CCDC7: variants seen among roughly 807,000 people sequenced by gnomAD.
CCDC7 encodes the protein coiled-coil domain-containing protein 7.
CCDC7 carries 183 observed loss-of-function variants against 196.9 expected under a neutral mutation model. That is an observed-to-expected ratio of 0.93 (90% CI 0.82 to 1.05). The LOEUF is 1.05. Ranked by LOEUF, CCDC7 falls within the 50% of genes least tolerant of loss-of-function variation. CCDC7 has a pLI of 0.00. For missense variants in CCDC7, 1,540 were observed against 1,482.2 expected (o/e 1.04, Z -0.64); for synonymous variants, 525 against 484.6 (o/e 1.08, Z -1.10).
chr10:32,673,132 C>T (rs1432693137), intron 21 of CCDC7, among the ~76,000 whole-genome samples: 3 of 152,020 alleles, frequency 2.0e-5, no homozygotes, highest in African/African-American at 7.2e-5. Context: ...TTCTGGACTC[C>T]CTGTTACATT....
At chr10:32,810,637 GAGTTTAAACA>G in intron 30 of CCDC7, among the ~76,000 whole-genome samples, 1 of 152,074 alleles carries the variant, frequency 6.6e-6, no homozygotes, top group South Asian at 2.1e-4. Context: ...AAGAAACATT[GAGTTTAAACA>G]TCAGTTTAAA....
At chr10:32,474,436 C>T (rs532570077) in intron 8 of CCDC7, among the ~76,000 whole-genome samples, 2 of 151,356 alleles carry the variant, frequency 1.3e-5, no homozygotes, top group East Asian at 3.9e-4. Flanking sequence ...AGAGTTTCAC[C>T]ATGTTGGCCA....
intron 18 of CCDC7, among the ~76,000 whole-genome samples, chr10:32,629,388 T>C (rs550931431): frequency 1.4e-4 from 22 of 152,208 alleles, no homozygotes; most frequent in African/African-American, 4.8e-4. Flanking sequence ...TTTTTGTTCT[T>C]GTGGTCTAGG....
chr10:32,823,999 A>G (rs1240238269), intron 31 of CCDC7, among the ~76,000 whole-genome samples: 1 of 152,180 alleles, frequency 6.6e-6, no homozygotes, highest in African/African-American at 2.4e-5. Flanking sequence ...ATAGACTATT[A>G]AAATATTTCT....
At chr10:32,708,086 A>G (rs57631864) in intron 24 of CCDC7, among the ~76,000 whole-genome samples, 13,545 of 152,238 alleles carry the variant, frequency 0.089, 863 homozygotes, top group East Asian at 0.33. Context: ...ACAAGGCTAC[A>G]GTAACCAAAA....
At chr10:32,607,041 G>C (rs1399876516) in intron 18 of CCDC7, among the ~76,000 whole-genome samples, 1 of 152,160 alleles carries the variant, frequency 6.6e-6, no homozygotes, top group Admixed American at 6.5e-5. Context: ...GGATTATGGG[G>C]GCAGATCCCC....
chr10:32,826,921 T>C (rs2091215485), intron 32 of CCDC7, among the ~76,000 whole-genome samples: 1 of 152,202 alleles, frequency 6.6e-6, no homozygotes, highest in Admixed American at 6.5e-5. Context: ...CAATAGTTTG[T>C]CTGGATGGTC....
At chr10:32,663,861 G>A (rs1248478464) in intron 20 of CCDC7, among the ~76,000 whole-genome samples, 193 bp from the exon 22 acceptor site, 1 of 151,868 alleles carries the variant, frequency 6.6e-6, no homozygotes, top group Non-Finnish European at 1.5e-5. Flanking sequence ...TCAAAATAAT[G>A]AGACTACTTC....
chr10:32,599,734 A>G (rs532656678), intron 18 of CCDC7, among the ~76,000 whole-genome samples: 1 of 152,252 alleles, frequency 6.6e-6, no homozygotes, highest in South Asian at 2.1e-4. Context: ...GTGAAGTGTG[A>G]GATTTTAGTG....
intron 18 of CCDC7, among the ~76,000 whole-genome samples, chr10:32,599,352 T>C (rs1053123766): frequency 6.6e-6 from 1 of 152,180 alleles, no homozygotes; most frequent in Non-Finnish European, 1.5e-5. Context: ...TGTATGTATG[T>C]ATGTGTTTAA....
At chr10:32,458,228 G>A (rs1201247832) in intron 3 of CCDC7, among the ~76,000 whole-genome samples, 1 of 152,026 alleles carries the variant, frequency 6.6e-6, no homozygotes, top group Admixed American at 6.6e-5. Flanking sequence ...TTGGGGTCTA[G>A]TTTCATTCTT....
intron 29 of CCDC7, among the ~76,000 whole-genome samples, chr10:32,804,238 C>T (rs145170002): frequency 3.9e-5 from 6 of 152,200 alleles, no homozygotes; most frequent in Non-Finnish European, 5.9e-5. Flanking sequence ...ATAAATTCCT[C>T]CTTAATAAAT....
At chr10:32,443,329 C>T (rs2030458036), upstream of CCDC7, among the ~76,000 whole-genome samples, 1 of 152,130 alleles carries the variant, frequency 6.6e-6, no homozygotes, top group African/African-American at 2.4e-5. Context: ...AACCCAGTTG[C>T]TGTTACTCCA....
At chr10:32,845,694 G>A (rs894686244) in intron 35 of CCDC7, 68 bp downstream of exon 36, 5 of 1,408,578 alleles carry the variant, frequency 3.5e-6, no homozygotes, top group Non-Finnish European at 5.0e-6. Flanking sequence ...AATTAAGTGT[G>A]GACATTTAAT....
intron 13 of CCDC7, among the ~76,000 whole-genome samples, chr10:32,563,948 T>G (rs1342713636): frequency 1.3e-5 from 2 of 151,830 alleles, no homozygotes; most frequent in African/African-American, 4.8e-5. Context: ...TCCAACAAAT[T>G]TACAAGAAAA....
intron 7 of CCDC7, 26 bp downstream of exon 8, chr10:32,472,568 C>T: frequency 6.7e-7 from 1 of 1,487,562 alleles, no homozygotes; most frequent in East Asian, 2.5e-5. Context: ...ATATGTTTAT[C>T]CTTAAAAATT....
At chr10:32,775,844 C>T (rs59769606) in intron 28 of CCDC7, among the ~76,000 whole-genome samples, 20,596 of 151,504 alleles carry the variant, frequency 0.14, 1,635 homozygotes, top group African/African-American at 0.23. Flanking sequence ...ATATTTATTG[C>T]GGCATTATTC....
At chr10:32,492,921 A>C (rs764385096) in intron 9 of CCDC7, among the ~76,000 whole-genome samples, 1 of 152,152 alleles carries the variant, frequency 6.6e-6, no homozygotes, top group South Asian at 2.1e-4. Context: ...CTGTAAACTC[A>C]TTTAATTTCT....
At chr10:32,509,862 C>A (rs1589348964) in intron 9 of CCDC7, among the ~76,000 whole-genome samples, 1 of 152,164 alleles carries the variant, frequency 6.6e-6, no homozygotes, top group African/African-American at 2.4e-5. Context: ...GTTAGGTTGG[C>A]TGTTATTAAG....
Sources: allele counts gnomAD v4.1 joint callset (sites outside exome capture counted in the v4.1 genomes callset), GRCh38; gene constraint gnomAD v4.1.1; transcripts MANE v1.5; gene names NCBI Gene and HGNC (gene_info 2026-07-23, HGNC 2026-07-21).